The following AFAP1L2 variants were observed in gnomAD, a reference collection of about 807,000 sequenced individuals.
AFAP1L2 encodes the protein actin filament-associated protein 1-like 2.
In AFAP1L2, 46 loss-of-function variants were observed where a neutral mutation model predicts 99.3. That is an observed-to-expected ratio of 0.46 (90% confidence interval 0.37 to 0.59). The LOEUF (loss-of-function observed/expected upper bound fraction) is 0.59. Ranked by LOEUF, AFAP1L2 falls within the 20% of genes least tolerant of loss-of-function variation. The pLI is 0.00. For missense variants in AFAP1L2, 959 were observed against 1,034.9 expected, an observed-to-expected ratio of 0.93 and a Z score of 1.01; for synonymous variants, 397 against 419.1, an observed-to-expected ratio of 0.95 and a Z score of 0.64.
chr10:114,298,375 C>T (rs1483389205), intron 16 of AFAP1L2, among the ~76,000 whole-genome samples: 1 of 152,092 alleles, frequency 6.6e-6, no homozygotes, highest in African/African-American at 2.4e-5. Flanking sequence ...AAGACTGTCT[C>T]AAAAAAAGAA....
At position 114,333,298 on chromosome 10, in the gene AFAP1L2, G is replaced by T. The variant is rs1156700568; in HGVS notation, c.146-3C>A. ...ATAAATGTACTCCTCATCAGAGCCT[G>T]CAGAAGGAAGGAGACACAGGCTTTG... On this transcript the variant is annotated splice_polypyrimidine_tract_variant and splice_region_variant and intron_variant, in intron 2 of 18. Coordinates refer to ENST00000304129, the MANE Select transcript of AFAP1L2 (RefSeq NM_001001936.3). 1.9e-6 allele frequency: 3 copies of T among 1,613,194 alleles called. No homozygotes were observed. The highest frequency in any genetic ancestry group is 2.2e-5 in the South Asian group (2 of 91,050).
At chr10:114,339,386 A>G (rs1160066615) in intron 2 of AFAP1L2, among the ~76,000 whole-genome samples, 2 of 152,156 alleles carry the variant, frequency 1.3e-5, no homozygotes, top group Admixed American at 6.5e-5. Context: ...GGCGGAGCTT[A>G]CAGTGAGCGG....
Position 114,305,847 on chromosome 10 carries a change from T to G in AFAP1L2, c.1073-917A>C, listed in dbSNP as rs71500818. Reference sequence around the variant, plus strand: ...AGGCAGATCCAGGAGGGGACGCGGGTGCAGGAGGGGACGCGGGTGCAGGAG... The same window carrying G: ...AGGCAGATCCAGGAGGGGACGCGGGGGCAGGAGGGGACGCGGGTGCAGGAG... On this transcript the variant is annotated intron_variant, in intron 10 of 18. Transcript: ENST00000304129. 6.4e-5 allele frequency among the ~76,000 whole-genome samples: 6 copies of G among 93,758 alleles called. No homozygotes were observed. In the Admixed American group the frequency reaches 6.8e-4, roughly 11 times the overall value. 61.5% of individuals were successfully genotyped at this position (93,758 alleles called of 152,430 possible). A position where few individuals can be genotyped will look rare whatever the true frequency, so the allele number is the denominator to read the frequency against.
chr10:114,380,877 G>A (rs961596784), intron 1 of AFAP1L2, among the ~76,000 whole-genome samples: 11 of 152,198 alleles, frequency 7.2e-5, no homozygotes, highest in African/African-American at 1.9e-4. Flanking sequence ...GTACAGAAGC[G>A]AACACAGCTA....
intron 16 of AFAP1L2, 80 bp from the exon 17 acceptor site, chr10:114,297,493 T>A: frequency 6.9e-7 from 1 of 1,439,764 alleles, no homozygotes; most frequent in Non-Finnish European, 9.4e-7. Flanking sequence ...AGGCAGGGTC[T>A]ACATACCCCG....
the AFAP1L2 span, chr10:114,286,602 G>A: frequency 8.7e-7 from 1 of 1,146,748 alleles, no homozygotes; most frequent in Non-Finnish European, 1.2e-6. Flanking sequence ...TTCTGCCAGT[G>A]CCTCTTCTAG....
chr10:114,352,154 A>G (rs1216020693), intron 1 of AFAP1L2, among the ~76,000 whole-genome samples: 1 of 152,200 alleles, frequency 6.6e-6, no homozygotes, highest in African/African-American at 2.4e-5. Context: ...CACACACATT[A>G]CAATTCTAGC....
At chr10:114,307,694 G>T in intron 10 of AFAP1L2, 111 bp downstream of exon 10, 1 of 827,854 alleles carries the variant, frequency 1.2e-6, no homozygotes, top group Non-Finnish European at 2.0e-6. Flanking sequence ...CATTCCTAGA[G>T]ATGTTTACGG....
In AFAP1L2 at chr10:114,300,175, C is replaced by T; in HGVS notation, c.1957+19G>A. ...ACTAATACAGATGGAATCGGGCTAA[C>T]TTCCCCAAGCACAAGTACCTGCACT... On this transcript the variant is annotated intron_variant, in intron 15 of 18. Transcript: ENST00000304129. 1 of 1,614,146 alleles carries T rather than the reference C, an allele frequency of 6.2e-7. No individual in the cohort carries two copies. Among genetic ancestry groups the T allele is most frequent in the Non-Finnish European group, 8.5e-7 (1 of 1,180,002 alleles).
chr10:114,289,116 C>T, the AFAP1L2 span: 25 of 1,613,976 alleles, frequency 1.5e-5, no homozygotes, highest in South Asian at 1.1e-4. Context: ...AGACTGCCTT[C>T]GGGCTGGACA....
intron 5 of AFAP1L2, among the ~76,000 whole-genome samples, chr10:114,316,659 T>C (rs1438706335): frequency 6.6e-6 from 1 of 152,212 alleles, no homozygotes; most frequent in Non-Finnish European, 1.5e-5. Context: ...AGAGCTATTC[T>C]GTTCCCAAGT....
At chr10:114,392,654 C>T (rs1182997827) in intron 1 of AFAP1L2, among the ~76,000 whole-genome samples, 4 of 152,216 alleles carry the variant, frequency 2.6e-5, no homozygotes, top group Non-Finnish European at 5.9e-5. Context: ...CCTCCTAAAT[C>T]TAAACCATTT....
At position 114,313,864 on chromosome 10, in the gene AFAP1L2, C is replaced by A. The variant is rs766247748; in HGVS notation, c.792+7G>T. ...AACCCCTCCAAGTGGCTCGGTGTCG[C>A]CCTCACCCTGAGCCACTGCTCAGCC... On this transcript the variant is annotated splice_region_variant and intron_variant, in intron 7 of 18. Transcript: ENST00000304129. 5 of 1,596,984 alleles carry A rather than the reference C, an allele frequency of 3.1e-6. No individual in the cohort carries two copies. The African/African-American group carries it at 6.7e-5, about 21-fold the overall frequency.
At chr10:114,336,345 A>G (rs1456842132) in intron 2 of AFAP1L2, among the ~76,000 whole-genome samples, 3 of 152,244 alleles carry the variant, frequency 2.0e-5, no homozygotes, top group Non-Finnish European at 2.9e-5. Flanking sequence ...AGAACTTTCT[A>G]TCATTCACTC....
intron 11 of AFAP1L2, 37 bp from the exon 12 acceptor site, chr10:114,302,521 G>A (rs2041388298): frequency 1.2e-6 from 2 of 1,612,218 alleles, no homozygotes; most frequent in South Asian, 2.2e-5. Flanking sequence ...GCAGGGCCAG[G>A]CAGTGCTGCC....
intron 1 of AFAP1L2, among the ~76,000 whole-genome samples, chr10:114,367,709 T>C (rs111607586): frequency 2.6e-5 from 4 of 152,276 alleles, no homozygotes; most frequent in African/African-American, 9.6e-5. Context: ...ATTCCAAGCT[T>C]TCCCGGGCAA....
chr10:114,330,646 A>C (rs1434787986), intron 4 of AFAP1L2, among the ~76,000 whole-genome samples: 1 of 152,220 alleles, frequency 6.6e-6, no homozygotes, highest in Non-Finnish European at 1.5e-5. Flanking sequence ...AGAGGATTAG[A>C]GACTTTAACT....
chr10:114,403,280 C>T (rs2058392081), intron 1 of AFAP1L2, among the ~76,000 whole-genome samples: 1 of 152,162 alleles, frequency 6.6e-6, no homozygotes. Context: ...GATCTTTTGC[C>T]TTCACCAGTA....
At chr10:114,369,222 C>T (rs1436944897) in intron 1 of AFAP1L2, among the ~76,000 whole-genome samples, 1 of 152,106 alleles carries the variant, frequency 6.6e-6, no homozygotes, top group Admixed American at 6.5e-5. Flanking sequence ...TTTGAGAGGC[C>T]AAGGTGGTGG....
Sources: allele counts gnomAD v4.1 joint callset (sites outside exome capture counted in the v4.1 genomes callset), GRCh38; gene constraint gnomAD v4.1.1; transcripts MANE v1.5; gene names NCBI Gene and HGNC (gene_info 2026-07-23, HGNC 2026-07-21).